The following INSC variants were observed in gnomAD, a reference collection of about 807,000 sequenced individuals.
INSC encodes the protein INSC spindle orientation adaptor protein.
Under a neutral mutation model 58.6 loss-of-function variants are expected in INSC, and 67 were observed. That is an observed-to-expected ratio of 1.14 (90% confidence interval 0.94 to 1.40). The LOEUF is 1.40. Among genes scored for constraint, INSC ranks in the 40% most tolerant of loss-of-function variants. The probability of loss-of-function intolerance (pLI) is 0.00; values close to 1 mark genes in which losing one functional copy is unlikely to be tolerated. For synonymous variants in INSC, 262 were observed against 276.1 expected (o/e 0.95, Z 0.51); for missense variants, 714 against 692.0 (o/e 1.03, Z -0.36).
intron 5 of INSC, among the ~76,000 whole-genome samples, chr11:15,190,496 T>C (rs748615761): frequency 6.6e-6 from 1 of 152,158 alleles, no homozygotes; most frequent in Admixed American, 6.5e-5. Flanking sequence ...TTATCCCATA[T>C]CTCTAAAATG....
intron 5 of INSC, among the ~76,000 whole-genome samples, chr11:15,179,162 A>G (rs74513381): frequency 1.4e-4 from 21 of 152,248 alleles, no homozygotes; most frequent in African/African-American, 5.1e-4. Context: ...CCTCCTCTAT[A>G]AATTGGTAAA....
intron 2 of INSC, among the ~76,000 whole-genome samples, chr11:15,169,704 G>A (rs1209913348): frequency 1.3e-5 from 2 of 149,702 alleles, no homozygotes; most frequent in East Asian, 3.9e-4. Context: ...ACCACACCCA[G>A]CTAATTTTTT....
chr11:15,242,487 A>C (rs1023243981), intron 12 of INSC, among the ~76,000 whole-genome samples: 3 of 152,034 alleles, frequency 2.0e-5, no homozygotes, highest in African/African-American at 7.3e-5. Flanking sequence ...CCCCCATGGA[A>C]CCTTTCTGTG....
intron 2 of INSC, among the ~76,000 whole-genome samples, chr11:15,168,521 G>A (rs1009585699): frequency 2.0e-5 from 3 of 152,294 alleles, no homozygotes; most frequent in East Asian, 1.9e-4. Flanking sequence ...ATTGTGACAC[G>A]TGTGAAGGTG....
At chr11:15,135,854 C>T (rs572559471) in intron 1 of INSC, among the ~76,000 whole-genome samples, 2 of 152,250 alleles carry the variant, frequency 1.3e-5, no homozygotes, top group South Asian at 4.2e-4. Flanking sequence ...GCTGAGAAGT[C>T]CAATATCAAG....
intron 8 of INSC, among the ~76,000 whole-genome samples, chr11:15,224,626 G>T (rs2133939573): frequency 6.6e-6 from 1 of 152,328 alleles, no homozygotes. Flanking sequence ...GATTGGTAGT[G>T]AAGTTGGAGC....
At chr11:15,134,651 G>A (rs1848200634) in intron 1 of INSC, among the ~76,000 whole-genome samples, 1 of 152,108 alleles carries the variant, frequency 6.6e-6, no homozygotes, top group African/African-American at 2.4e-5. Context: ...ACATTCATAG[G>A]TGCCTTATAT....
chr11:15,237,218 A>T (rs1242973619), intron 10 of INSC, among the ~76,000 whole-genome samples: 1 of 152,254 alleles, frequency 6.6e-6, no homozygotes, highest in East Asian at 1.9e-4. Context: ...CAGAGAGCAC[A>T]ACTTAACAAA....
downstream of INSC, among the ~76,000 whole-genome samples, chr11:15,247,733 G>GTATATATATATATATATATATATATATA (rs57312382): frequency 1.5e-3 from 190 of 127,362 alleles, 4 homozygotes; most frequent in South Asian, 2.2e-3. Flanking sequence ...TAGAAATAAG[G>GTATATATATATATATATATATATATATA]TATATATATA....
intron 7 of INSC, among the ~76,000 whole-genome samples, chr11:15,219,716 A>G (rs1284727252): frequency 6.6e-6 from 1 of 152,206 alleles, no homozygotes; most frequent in Non-Finnish European, 1.5e-5. Context: ...GTTGAGATTA[A>G]GGAGACGGGA....
intron 8 of INSC, among the ~76,000 whole-genome samples, chr11:15,225,427 T>C (rs1851595128): frequency 1.3e-5 from 2 of 152,190 alleles, no homozygotes; most frequent in African/African-American, 4.8e-5. Context: ...TAAATACTTA[T>C]TGGATGAAGG....
the INSC span, among the ~76,000 whole-genome samples, chr11:15,255,261 A>G: frequency 6.6e-6 from 1 of 152,240 alleles, no homozygotes; most frequent in Non-Finnish European, 1.5e-5. Context: ...AAAAGTTTAC[A>G]TTTTAATTAG....
intron 9 of INSC, among the ~76,000 whole-genome samples, chr11:15,234,405 C>T (rs894984430): frequency 2.6e-5 from 4 of 152,124 alleles, no homozygotes; most frequent in Non-Finnish European, 5.9e-5. Context: ...ATTTGTTATC[C>T]AGAGTAAAAT....
At chr11:15,260,630 T>C in the INSC span, among the ~76,000 whole-genome samples, 67 of 152,298 alleles carry the variant, frequency 4.4e-4, no homozygotes, top group South Asian at 1.5e-3. Context: ...TGCAACTTAT[T>C]ATTGTTTTGT....
rs138779405 is a variant in INSC at position 15,239,210 on chromosome 11, G to A, written c.1393+136G>A. 6.7e-4 allele frequency: 732 copies of A among 1,093,092 alleles called. 4 individuals carry two copies. In the African/African-American group the frequency reaches 0.01, roughly 15 times the overall value. 67.7% of individuals were successfully genotyped at this position (1,093,092 alleles called of 1,614,324 possible). A position where few individuals can be genotyped will look rare whatever the true frequency, so the allele number is the denominator to read the frequency against. On this transcript the variant is annotated intron_variant, in intron 11 of 12. Coordinates refer to ENST00000379556, the MANE Select transcript of INSC (RefSeq NM_001042536.3). ...AAGCCCTGTCTCTGGGGGCTCAGGG[G>A]TGGAGGCTCAGGGGTGCAGCCGCTG...
intron 12 of INSC, 123 bp downstream of exon 12, chr11:15,240,646 T>C (rs1479373940): frequency 2.7e-5 from 20 of 732,946 alleles, no homozygotes; most frequent in Middle Eastern, 2.3e-4. Context: ...GGCTTTAGCT[T>C]TTCTCTTTAG....
chr11:15,188,024 G>A (rs891988997), intron 5 of INSC, among the ~76,000 whole-genome samples: 9 of 152,152 alleles, frequency 5.9e-5, no homozygotes, highest in Non-Finnish European at 1.2e-4. Context: ...GAAAGAAAAG[G>A]AGGAAGGAAA....
intron 11 of INSC, among the ~76,000 whole-genome samples, chr11:15,239,674 A>G (rs1200409464): frequency 6.6e-6 from 1 of 152,172 alleles, no homozygotes; most frequent in African/African-American, 2.4e-5. Context: ...AAAAAAAGAG[A>G]TATTCTCACT....
rs369435026 is a variant in INSC, at chr11:15,246,309, C to T, written c.*269C>T. On this transcript the variant is annotated 3_prime_UTR_variant, in exon 13 of 13. Coordinates refer to ENST00000379556, the MANE Select transcript of INSC (RefSeq NM_001042536.3). Reference sequence around the variant, plus strand: ...CGTAATGACAAATATGACAAATTGTCATGGGTGATTCCACTTCATCTTATT... The same window carrying T: ...CGTAATGACAAATATGACAAATTGTTATGGGTGATTCCACTTCATCTTATT... 3 of 264,698 alleles carry T rather than the reference C, an allele frequency of 1.1e-5. No homozygotes were observed. The highest frequency in any genetic ancestry group is 7.3e-5 in the East Asian group (1 of 13,652). 16.4% of individuals were successfully genotyped at this position (264,698 alleles called of 1,614,324 possible).
Sources: allele counts gnomAD v4.1 joint callset (sites outside exome capture counted in the v4.1 genomes callset), GRCh38; gene constraint gnomAD v4.1.1; transcripts MANE v1.5; gene names NCBI Gene and HGNC (gene_info 2026-07-23, HGNC 2026-07-21).